MYH14: variants seen among roughly 807,000 people sequenced by gnomAD.
MYH14 encodes myosin-14.
Under a neutral mutation model 255.5 loss-of-function variants are expected in MYH14, and 123 were observed. The ratio of observed to expected loss-of-function variants is 0.48; its 90% CI spans 0.42 to 0.56. MYH14 has a LOEUF of 0.56. Ranked by LOEUF, MYH14 falls within the 20% of genes least tolerant of loss-of-function variation. The pLI is 0.00. For missense variants in MYH14, 2,423 were observed against 2,802.3 expected, an observed-to-expected ratio of 0.86 and a Z score of 3.06; for synonymous variants, 1,095 against 1,161.2, an observed-to-expected ratio of 0.94 and a Z score of 1.16.
At position 50,228,280 on chromosome 19, in the gene MYH14, T is replaced by C. The variant is rs1416040348; in HGVS notation, c.874+1314T>C. Among the ~76,000 whole-genome samples, 5 of 141,172 alleles carry C rather than the reference T, an allele frequency of 3.5e-5. No individual in the cohort carries two copies. In the East Asian group the frequency reaches 6.4e-4, roughly 18 times the overall value. 92.6% of individuals were successfully genotyped at this position (141,172 alleles called of 152,430 possible). ...CAACCTGGGTGACAGAGCGAGACTC[T>C]GTGTCAAAAAAAAAAAAAAGGTTAA... On this transcript the variant is annotated intron_variant, in intron 8 of 42. Transcript: ENST00000642316.
intron 34 of MYH14, 135 bp downstream of exon 34, chr19:50,286,829 G>T: frequency 1.1e-6 from 1 of 926,568 alleles, no homozygotes; most frequent in South Asian, 1.6e-5. Context: ...GAACAAGAGG[G>T]CTGGGCATGG....
At chr19:50,226,788 A>C in intron 7 of MYH14, 115 bp from the exon 8 acceptor site, 2 of 920,622 alleles carry the variant, frequency 2.2e-6, no homozygotes, top group Non-Finnish European at 1.7e-6. Context: ...GGAGCAAGGA[A>C]GTGGGGGGGC....
At chr19:50,271,627 G>C in intron 25 of MYH14, 81 bp downstream of exon 25, 1 of 1,541,708 alleles carries the variant, frequency 6.5e-7, no homozygotes, top group Non-Finnish European at 8.8e-7. Flanking sequence ...ACGCCATGGG[G>C]GTTACCACAC....
rs771927288 is a variant in MYH14, at chr19:50,227,003, G to A, written c.874+37G>A. On this transcript the variant is annotated intron_variant, in intron 8 of 42. Transcript: ENST00000642316. ...CAGCCCATGGGGGTGGCAGCCAAGG[G>A]GGGCAGCCTTTCAGACAGCACTGAG... 1.9e-5 allele frequency: 30 copies of A among 1,607,206 alleles called. 1 individual carries two copies. The South Asian group carries it at 2.9e-4, about 15-fold the overall frequency.
rs185097121 is a variant in MYH14, at chr19:50,215,114, G to A, written c.406-2501G>A. On this transcript the variant is annotated intron_variant, in intron 2 of 42. Coordinates refer to ENST00000642316, the MANE Select transcript of MYH14 (RefSeq NM_001145809.2). ...CCCAGCTGTCTCCCACCCTGTGGGGGTGCACCAGCCTTTGTTCTTCCCCCC... is the reference window on the plus strand; with the variant it reads ...CCCAGCTGTCTCCCACCCTGTGGGGATGCACCAGCCTTTGTTCTTCCCCCC... Among the ~76,000 whole-genome samples the A allele has an allele frequency of 2.2e-3, 337 of 152,270 alleles. 2 individuals carry two copies. Among genetic ancestry groups the A allele is most frequent in the Non-Finnish European group, 3.9e-3 (264 of 68,006 alleles).
intron 1 of MYH14, among the ~76,000 whole-genome samples, chr19:50,204,479 G>T (rs1219143106): frequency 1.3e-5 from 2 of 152,196 alleles, no homozygotes; most frequent in African/African-American, 4.8e-5. Flanking sequence ...AACGGTATAG[G>T]CTTGAATTCC....
intron 33 of MYH14, among the ~76,000 whole-genome samples, chr19:50,283,243 C>T (rs766019306): frequency 3.9e-5 from 6 of 152,116 alleles, no homozygotes; most frequent in Non-Finnish European, 8.8e-5. Flanking sequence ...CCTCAGCCTC[C>T]CAAGTAGCTG....
intron 8 of MYH14, among the ~76,000 whole-genome samples, chr19:50,228,656 C>T (rs2033227094): frequency 6.6e-6 from 1 of 152,214 alleles, no homozygotes; most frequent in Admixed American, 6.5e-5. Flanking sequence ...ACCTGCATAT[C>T]CAGGTTCTTG....
intron 33 of MYH14, among the ~76,000 whole-genome samples, chr19:50,282,749 C>T (rs1021687265): frequency 1.3e-5 from 2 of 152,024 alleles, no homozygotes; most frequent in African/African-American, 4.8e-5. Flanking sequence ...ATTGTCATTT[C>T]CCTGTAGGTG....
At chr19:50,277,023 C>A in intron 29 of MYH14, 122 bp downstream of exon 29, 1 of 683,966 alleles carries the variant, frequency 1.5e-6, no homozygotes, top group Non-Finnish European at 2.5e-6. Flanking sequence ...CCTTTCCTCA[C>A]GCATTCATGT....
chr19:50,218,454 C>T (rs1299975260), intron 3 of MYH14, among the ~76,000 whole-genome samples: 8 of 151,670 alleles, frequency 5.3e-5, no homozygotes, highest in Non-Finnish European at 8.8e-5. Flanking sequence ...AAGAATTAGC[C>T]GGGCCTGGTG....
At chr19:50,224,514 A>G (rs1012363476) in intron 6 of MYH14, among the ~76,000 whole-genome samples, 3 of 152,206 alleles carry the variant, frequency 2.0e-5, no homozygotes, top group Non-Finnish European at 4.4e-5. Flanking sequence ...TCTGTGTGCC[A>G]AGTCATGTGC....
In MYH14 at chr19:50,293,670, C is replaced by G. The variant is rs377096949; in HGVS notation, c.5452C>G (p.Arg1818Gly). The G allele has an allele frequency of 2.5e-6, 4 of 1,587,854 alleles. No homozygotes were observed. The highest frequency in any genetic ancestry group is 1.3e-5 in the African/African-American group (1 of 74,436). Residue 1818 changes from arginine (R) to glycine (G), a missense_variant, in exon 39 of 43, where the codon CGC becomes GGC. Arg to Gly is a moderately radical substitution (Grantham distance 125, BLOSUM62 -2). Around this residue, in one of 3 missense-constraint regions of MYH14, gnomAD observed 1,513 missense variants for 1,674.8 expected, o/e 0.90. Transcript: ENST00000642316. This position sits in a 1 kb window ranked among gnomAD's most constrained non-coding sequence, Gnocchi z 4.1. ...CTCGGAGCTGCTCAATGACCGCTAC[C>G]GCAAGCTGCTCCTGCAGGTGAGCGT... Reference protein sequence around the residue: ...SNSELLNDRYRKLLLQVESLT... With the variant: ...SNSELLNDRYGKLLLQVESLT...
Position 50,260,618 on chromosome 19 carries a change from C to G in MYH14, c.2355-28C>G, listed in dbSNP as rs45575637. The G allele has an allele frequency of 5.8e-3, 9,233 of 1,578,352 alleles. 33 individuals are homozygous for G. Among genetic ancestry groups the G allele is most frequent in the Non-Finnish European group, 6.9e-3 (7,971 of 1,148,946 alleles). ...AGGTGAGCGTTTGCTGTAACTCTCT[C>G]CTCCCCACCCCTCCCTGCTCATTGC... On this transcript the variant is annotated intron_variant, in intron 19 of 42. Transcript: ENST00000642316.
chr19:50,217,187 T>G (rs189865743), intron 2 of MYH14, among the ~76,000 whole-genome samples: 54 of 152,306 alleles, frequency 3.5e-4, no homozygotes, highest in African/African-American at 1.3e-3. Context: ...TGATATTGAT[T>G]TGAAGACAGT....
intron 9 of MYH14, among the ~76,000 whole-genome samples, chr19:50,231,317 C>T (rs1366994510): frequency 6.6e-6 from 1 of 152,274 alleles, no homozygotes; most frequent in African/African-American, 2.4e-5. Context: ...ATGGCCTGTG[C>T]TGACTTGGGC....
intron 22 of MYH14, among the ~76,000 whole-genome samples, chr19:50,265,939 TGTTGGGG>T (rs2035067338): frequency 6.6e-6 from 1 of 151,944 alleles, no homozygotes; most frequent in Non-Finnish European, 1.5e-5. Flanking sequence ...CTACCTTAGG[TGTTGGGG>T]GTTGGGGTCA....
At position 50,250,081 on chromosome 19, in the gene MYH14, TTTTG is replaced by T. The variant is rs376949815; in HGVS notation, c.1656+270_1656+273del. ...CGTAACTGTTGTTCTCACGTTTGTTTTTTGTTTGTTTGTTTTGTTTTGTTTTGTT... is the reference window on the plus strand; with the variant it reads ...CGTAACTGTTGTTCTCACGTTTGTTTTTTGTTTGTTTTGTTTTGTTTTGTT... On this transcript the variant is annotated intron_variant, in intron 14 of 42. Coordinates refer to ENST00000642316, the MANE Select transcript of MYH14 (RefSeq NM_001145809.2). The surrounding 1 kb of genome is among the most constrained non-coding windows in gnomAD (Gnocchi z 5.4). 3.9e-5 allele frequency among the ~76,000 whole-genome samples: 6 copies of T among 152,300 alleles called. No individual in the cohort carries two copies. The highest frequency in any genetic ancestry group is 1.2e-4 in the African/African-American group (5 of 41,556).
In MYH14 at chr19:50,250,489, A is replaced by T; in HGVS notation, c.1657-26A>T. ...TGTCCAATATGTGGGGATCTGACTT[A>T]CTCTCCCCCTGCTGTCAATGGCCAG... On this transcript the variant is annotated intron_variant, in intron 14 of 42. Transcript: ENST00000642316. This position sits in a 1 kb window ranked among gnomAD's most constrained non-coding sequence, Gnocchi z 5.4. 6.2e-7 allele frequency: 1 copy of T among 1,603,454 alleles called. No homozygotes were observed. The highest frequency in any genetic ancestry group is 8.5e-7 in the Non-Finnish European group (1 of 1,174,684).
Sources: gnomAD v4.1 joint callset for allele counts (sites outside exome capture counted in the v4.1 genomes callset) on GRCh38, gnomAD v4.1.1 for gene constraint, gnomAD v4.1.1 regional missense constraint, Gnocchi (gnomAD v3.1) non-coding constraint, MANE v1.5 for transcripts, NCBI Gene and HGNC (gene_info 2026-07-23, HGNC 2026-07-21) for gene names.